MACROD2: variants seen among roughly 807,000 people sequenced by gnomAD.
MACROD2 encodes the protein mono-ADP ribosylhydrolase 2.
Under a neutral mutation model 70.4 loss-of-function variants are expected in MACROD2, and 36 were observed. That is an observed-to-expected ratio of 0.51 (90% CI 0.39 to 0.68). The LOEUF is 0.68. Ranked by LOEUF, MACROD2 falls within the 30% of genes least tolerant of loss-of-function variation. MACROD2 has a pLI of 0.00. For missense variants in MACROD2, 496 were observed against 538.4 expected (o/e 0.92, Z 0.78); for synonymous variants, 172 against 178.8 (o/e 0.96, Z 0.30).
rs1000595344 is a variant in MACROD2 at position 14,376,623 on chromosome 20, G to C, written c.272-116856G>C. Among the ~76,000 whole-genome samples the C allele has an allele frequency of 3.3e-5, 5 of 152,002 alleles. No individual in the cohort carries two copies. In the East Asian group the frequency reaches 9.7e-4, roughly 29 times the overall value. On this transcript the variant is annotated intron_variant, in intron 3 of 17. Coordinates refer to ENST00000684519, the MANE Select transcript of MACROD2 (RefSeq NM_001351661.2). ...ACATTAGCCAGGCATGGTGGCATGT[G>C]CCTATAGTCCCAGCTTCTTGGAGGG... is the stretch of plus-strand genomic sequence containing the variant.
chr20:15,458,007 C>A (rs2146407169), intron 7 of MACROD2, among the ~76,000 whole-genome samples: 1 of 150,422 alleles, frequency 6.6e-6, no homozygotes, highest in Admixed American at 6.6e-5. Flanking sequence ...GCATCTGATT[C>A]ATAAGGAACC....
intron 3 of MACROD2, among the ~76,000 whole-genome samples, chr20:14,265,924 A>C (rs1401544528): frequency 4.6e-5 from 7 of 151,802 alleles, no homozygotes; most frequent in African/African-American, 1.7e-4. Context: ...CTACAGGCGC[A>C]TGCCACCACG....
At chr20:14,463,527 T>C (rs2084398368) in intron 3 of MACROD2, among the ~76,000 whole-genome samples, 1 of 152,072 alleles carries the variant, frequency 6.6e-6, no homozygotes, top group African/African-American at 2.4e-5. Context: ...TGCCCTTTAT[T>C]TCCTTCTCCT....
intron 8 of MACROD2, among the ~76,000 whole-genome samples, chr20:15,805,526 G>T (rs2063761370): frequency 6.6e-6 from 1 of 151,360 alleles, no homozygotes; most frequent in South Asian, 2.1e-4. Context: ...GCCCAGGCTG[G>T]AGTGCAATGG....
At chr20:15,902,027 C>G (rs560486181) in intron 10 of MACROD2, among the ~76,000 whole-genome samples, 4 of 152,352 alleles carry the variant, frequency 2.6e-5, no homozygotes, top group African/African-American at 9.6e-5. Flanking sequence ...CCCCAAAGCC[C>G]TTCCAGCGAT....
intron 6 of MACROD2, among the ~76,000 whole-genome samples, chr20:15,280,158 G>A (rs1465772791): frequency 6.6e-6 from 1 of 152,120 alleles, no homozygotes; most frequent in Non-Finnish European, 1.5e-5. Flanking sequence ...TTTATAACAA[G>A]GAGTTTAACA....
chr20:15,068,372 T>C (rs1262076585), intron 5 of MACROD2, among the ~76,000 whole-genome samples: 3 of 152,208 alleles, frequency 2.0e-5, no homozygotes, highest in Non-Finnish European at 2.9e-5. Flanking sequence ...GAACCATTGG[T>C]GTGCACAGAA....
chr20:14,902,318 A>G (rs1057456911), intron 5 of MACROD2, among the ~76,000 whole-genome samples: 3 of 152,194 alleles, frequency 2.0e-5, no homozygotes, highest in African/African-American at 7.2e-5. Context: ...TATTCTAAGT[A>G]GTACCTGAAA....
At chr20:14,206,251 G>C (rs2081522147) in intron 3 of MACROD2, among the ~76,000 whole-genome samples, 1 of 152,208 alleles carries the variant, frequency 6.6e-6, no homozygotes, top group Non-Finnish European at 1.5e-5. Flanking sequence ...TTCTGATCTA[G>C]ATCACTGGTT....
At chr20:14,026,413 A>G (rs1168906276) in intron 2 of MACROD2, among the ~76,000 whole-genome samples, 1 of 152,180 alleles carries the variant, frequency 6.6e-6, no homozygotes, top group Non-Finnish European at 1.5e-5. Context: ...TTTGCCTGTT[A>G]ATTGATGCAG....
rs1196591834 is a variant in MACROD2, at chr20:15,513,762, A to G, written c.645+13915A>G. Among the ~76,000 whole-genome samples, 3 of 152,256 alleles carry G rather than the reference A, an allele frequency of 2.0e-5. No individual in the cohort carries two copies. In the East Asian group the frequency reaches 5.8e-4, roughly 29 times the overall value. On this transcript the variant is annotated intron_variant, in intron 8 of 17. Transcript: ENST00000684519. ...GGCCTACCCATAATACCCCAGGGTAACTGGATTTCAAAAGCAAATCAACTT... is the reference window on the plus strand; with the variant it reads ...GGCCTACCCATAATACCCCAGGGTAGCTGGATTTCAAAAGCAAATCAACTT...
At chr20:14,779,641 A>G (rs2072275382) in intron 5 of MACROD2, among the ~76,000 whole-genome samples, 2 of 152,132 alleles carry the variant, frequency 1.3e-5, no homozygotes, top group African/African-American at 4.8e-5. Context: ...GTTAAGCAGT[A>G]TGGTAAAAAT....
intron 5 of MACROD2, among the ~76,000 whole-genome samples, chr20:14,982,637 G>T (rs939090197): frequency 6.6e-6 from 1 of 152,242 alleles, no homozygotes. Context: ...TCAAGCCTTG[G>T]CAGCTTCCAC....
At chr20:14,095,867 G>C (rs552292705) in intron 3 of MACROD2, among the ~76,000 whole-genome samples, 2 of 152,272 alleles carry the variant, frequency 1.3e-5, no homozygotes, top group Admixed American at 1.3e-4. Flanking sequence ...AAGTGTAGTT[G>C]ACCTGCCTTT....
chr20:14,373,976 TAA>T (rs1450916853), intron 3 of MACROD2, among the ~76,000 whole-genome samples: 3 of 152,180 alleles, frequency 2.0e-5, no homozygotes, highest in Admixed American at 6.6e-5. Flanking sequence ...ATCTTCTGTG[TAA>T]AAAGAGATAA....
chr20:14,448,935 G>A (rs1258565028), intron 3 of MACROD2, among the ~76,000 whole-genome samples: 1 of 151,832 alleles, frequency 6.6e-6, no homozygotes, highest in Non-Finnish European at 1.5e-5. Flanking sequence ...AGGATTGATC[G>A]GTATGTACCT....
In MACROD2 at chr20:14,964,396, C is replaced by A. The variant is rs910619444; in HGVS notation, c.419-265544C>A. Among the ~76,000 whole-genome samples, 228 of 152,014 alleles carry A rather than the reference C, an allele frequency of 1.5e-3. 1 individual carries two copies. The highest frequency in any genetic ancestry group is 2.7e-3 in the Non-Finnish European group (182 of 67,966). On this transcript the variant is annotated intron_variant, in intron 5 of 17. Coordinates refer to ENST00000684519, the MANE Select transcript of MACROD2 (RefSeq NM_001351661.2). ...GACCATCCTGGCTAACACGGTGAAACCCCGTCTCTACTAAAAATACAAAAA... is the reference window on the plus strand; with the variant it reads ...GACCATCCTGGCTAACACGGTGAAAACCCGTCTCTACTAAAAATACAAAAA...
intron 5 of MACROD2, among the ~76,000 whole-genome samples, chr20:15,146,130 G>A (rs142803124): frequency 5.7e-4 from 87 of 151,878 alleles, no homozygotes; most frequent in African/African-American, 1.8e-3. Flanking sequence ...AATAATTTTC[G>A]GTTGTTTCAT....
chr20:15,202,424 C>T (rs2076664464), intron 5 of MACROD2, among the ~76,000 whole-genome samples: 1 of 151,992 alleles, frequency 6.6e-6, no homozygotes, highest in Non-Finnish European at 1.5e-5. Context: ...TCGTGTATTT[C>T]TTTCTTTAGC....
Sources: allele counts gnomAD v4.1 joint callset (sites outside exome capture counted in the v4.1 genomes callset), GRCh38; gene constraint gnomAD v4.1.1; transcripts MANE v1.5; gene names NCBI Gene and HGNC (gene_info 2026-07-23, HGNC 2026-07-21).